AP1S3: variants seen among roughly 807,000 people sequenced by gnomAD.
The protein encoded by AP1S3 is AP-1 complex subunit sigma-3.
AP1S3 carries 10 observed loss-of-function variants against 20.9 expected under a neutral mutation model. The observed-to-expected ratio is 0.48, with a 90% CI of 0.29 to 0.81. The LOEUF (loss-of-function observed/expected upper bound fraction) is 0.81. Among genes scored for constraint, AP1S3 ranks in the 30% least tolerant of loss-of-function variants. The pLI is 0.08. For missense variants in AP1S3, 154 were observed against 183.8 expected (o/e 0.84, Z 0.94); for synonymous variants, 41 against 61.5 (o/e 0.67, Z 1.56).
At chr2:223,780,346 GA>G (rs1690909256) in intron 1 of AP1S3, among the ~76,000 whole-genome samples, 1 of 126,008 alleles carries the variant, frequency 7.9e-6, no homozygotes, top group African/African-American at 3.3e-5. Context: ...GAGAGAGAGA[GA>G]GAGAGAGAGA....
intron 1 of AP1S3, among the ~76,000 whole-genome samples, chr2:223,836,014 A>C (rs1399469232): frequency 6.6e-6 from 1 of 152,248 alleles, no homozygotes; most frequent in Non-Finnish European, 1.5e-5. Flanking sequence ...TGTATTTACA[A>C]GGAACCCTCA....
intron 3 of AP1S3, among the ~76,000 whole-genome samples, chr2:223,775,373 G>A (rs866533837): frequency 6.6e-6 from 1 of 152,100 alleles, no homozygotes; most frequent in African/African-American, 2.4e-5. Flanking sequence ...AATACTTATA[G>A]CTTAGAAAAA....
At chr2:223,816,704 T>C (rs1574723619) in intron 1 of AP1S3, among the ~76,000 whole-genome samples, 1 of 152,356 alleles carries the variant, frequency 6.6e-6, no homozygotes, top group East Asian at 1.9e-4. Flanking sequence ...ATGTGCAGTG[T>C]CAGTGGGACT....
intron 4 of AP1S3, among the ~76,000 whole-genome samples, chr2:223,764,588 CCA>C (rs1690433382): frequency 6.6e-6 from 1 of 152,036 alleles, no homozygotes; most frequent in South Asian, 2.1e-4. Context: ...GGCAAGCAAA[CCA>C]CAGTGTTCCC....
intron 3 of AP1S3, among the ~76,000 whole-genome samples, chr2:223,765,907 G>C (rs1316175764): frequency 6.6e-6 from 1 of 152,188 alleles, no homozygotes. Context: ...GATGAGAACT[G>C]AGAATCTGCA....
At chr2:223,792,341 C>T (rs1254718730) in intron 1 of AP1S3, among the ~76,000 whole-genome samples, 3 of 152,048 alleles carry the variant, frequency 2.0e-5, no homozygotes, top group Non-Finnish European at 2.9e-5. Context: ...AGAACAGACA[C>T]GTTGACCATG....
chr2:223,770,667 T>C (rs778312819), intron 3 of AP1S3, among the ~76,000 whole-genome samples: 19 of 151,844 alleles, frequency 1.3e-4, no homozygotes, highest in Admixed American at 2.6e-4. Flanking sequence ...TAGTTATTCT[T>C]TGAGTCTACT....
At chr2:223,780,465 T>G (rs1690917800) in intron 1 of AP1S3, among the ~76,000 whole-genome samples, 1 of 146,538 alleles carries the variant, frequency 6.8e-6, no homozygotes, top group South Asian at 2.2e-4. Context: ...GAACATGAGG[T>G]CTTCTTTTGG....
At chr2:223,819,598 TAAA>T (rs61543706) in intron 1 of AP1S3, among the ~76,000 whole-genome samples, 2 of 146,336 alleles carry the variant, frequency 1.4e-5, no homozygotes, top group African/African-American at 2.5e-5. Flanking sequence ...ATGCCTTGTG[TAAA>T]AAAAAAAAAA....
intron 4 of AP1S3, among the ~76,000 whole-genome samples, chr2:223,760,981 G>A (rs1574682087): frequency 6.6e-6 from 1 of 152,268 alleles, no homozygotes; most frequent in Non-Finnish European, 1.5e-5. Flanking sequence ...TTGTGGTTCA[G>A]TGGCCTCTAG....
At chr2:223,794,100 C>T (rs972802618) in intron 1 of AP1S3, among the ~76,000 whole-genome samples, 2 of 151,916 alleles carry the variant, frequency 1.3e-5, no homozygotes, top group Admixed American at 6.6e-5. Flanking sequence ...TTCTTAATTC[C>T]CTTATCATTT....
At chr2:223,797,273 G>C (rs1691360598) in intron 1 of AP1S3, among the ~76,000 whole-genome samples, 1 of 152,130 alleles carries the variant, frequency 6.6e-6, no homozygotes, top group African/African-American at 2.4e-5. Flanking sequence ...ATACAATAGG[G>C]GGTGGAGGAG....
intron 1 of AP1S3, among the ~76,000 whole-genome samples, chr2:223,835,376 G>A (rs917870948): frequency 3.3e-5 from 5 of 152,188 alleles, no homozygotes; most frequent in Admixed American, 6.5e-5. Flanking sequence ...ATGTTTCCCC[G>A]CCAGGTGCGG....
At chr2:223,834,852 A>C (rs766551917) in intron 1 of AP1S3, among the ~76,000 whole-genome samples, 1 of 152,216 alleles carries the variant, frequency 6.6e-6, no homozygotes. Flanking sequence ...TCCAAAGCAA[A>C]AAAAAAATTA....
intron 1 of AP1S3, among the ~76,000 whole-genome samples, chr2:223,792,911 A>G (rs557673829): frequency 7.2e-5 from 11 of 152,298 alleles, no homozygotes; most frequent in Non-Finnish European, 1.3e-4. Flanking sequence ...AAAGTAGGCA[A>G]AGGACAAGAA....
intron 1 of AP1S3, among the ~76,000 whole-genome samples, chr2:223,832,184 T>TGTGTGTGTGTGTGTG (rs1574736206): frequency 1.4e-5 from 2 of 139,652 alleles, no homozygotes; most frequent in African/African-American, 5.5e-5. Flanking sequence ...TGTGTGTGTG[T>TGTGTGTGTGTGTGTG]TGGAAAGGGG....
At chr2:223,820,180 A>G (rs1691953182) in intron 1 of AP1S3, among the ~76,000 whole-genome samples, 1 of 152,090 alleles carries the variant, frequency 6.6e-6, no homozygotes, top group Non-Finnish European at 1.5e-5. Context: ...TTTTTTTCTC[A>G]GACTGAAAGA....
chr2:223,833,880 C>CTTTT lies in AP1S3; in HGVS notation c.3+3564_3+3567dup, dbSNP rs761859452. Among the ~76,000 whole-genome samples the CTTTT allele has an allele frequency of 8.0e-4, 105 of 130,612 alleles. 1 individual carries two copies. The highest frequency in any genetic ancestry group is 2.8e-3 in the African/African-American group (92 of 32,928). 85.7% of individuals were successfully genotyped at this position (130,612 alleles called of 152,430 possible). A position where few individuals can be genotyped will look rare whatever the true frequency, so the allele number is the denominator to read the frequency against. ...GAAACTTTTTGGATGCCTTTACACT[C>CTTTT]TTTTTATTTATTTATTTATTTATTT... On this transcript the variant is annotated intron_variant, in intron 1 of 4. Coordinates refer to ENST00000396654, the MANE Select transcript of AP1S3 (RefSeq NM_001039569.2).
chr2:223,835,484 G>A (rs753348800), intron 1 of AP1S3, among the ~76,000 whole-genome samples: 8 of 152,010 alleles, frequency 5.3e-5, no homozygotes, highest in Non-Finnish European at 1.2e-4. Flanking sequence ...GCAAAACCCC[G>A]TCTCTACTAA....
Sources: allele counts gnomAD v4.1 joint callset (sites outside exome capture counted in the v4.1 genomes callset), GRCh38; gene constraint gnomAD v4.1.1; transcripts MANE v1.5; gene names NCBI Gene and HGNC (gene_info 2026-07-23, HGNC 2026-07-21).